SCLT1: variants seen among roughly 807,000 people sequenced by gnomAD.
The protein encoded by SCLT1 is sodium channel and clathrin linker 1.
A neutral mutation model predicts 112.8 loss-of-function variants in SCLT1; 78 were observed. The ratio of observed to expected loss-of-function variants is 0.69; its 90% CI spans 0.58 to 0.83. The LOEUF is 0.83. Among genes scored for constraint, SCLT1 ranks in the 40% least tolerant of loss-of-function variants. SCLT1 has a pLI of 0.00. For missense variants in SCLT1, 747 were observed against 770.4 expected (o/e 0.97, Z 0.36); for synonymous variants, 257 against 254.7 (o/e 1.01, Z -0.09).
intron 18 of SCLT1, among the ~76,000 whole-genome samples, chr4:128,928,038 G>A (rs1259414393): frequency 6.6e-6 from 1 of 151,874 alleles, no homozygotes; most frequent in African/African-American, 2.4e-5. Flanking sequence ...CCAAAACTAT[G>A]TCAATGAAGA....
intron 2 of SCLT1, among the ~76,000 whole-genome samples, chr4:129,046,787 A>T (rs541398494): frequency 2.6e-5 from 4 of 152,256 alleles, no homozygotes; most frequent in South Asian, 4.1e-4. Flanking sequence ...ACTCTCCCAC[A>T]GGCAGTATAT....
At chr4:128,880,339 A>G (rs1227272832), downstream of SCLT1, among the ~76,000 whole-genome samples, 2 of 152,134 alleles carry the variant, frequency 1.3e-5, no homozygotes, top group African/African-American at 2.4e-5. Flanking sequence ...TTCGAATGAA[A>G]ATATGGGTAG....
chr4:128,933,640 T>G (rs1298388427), intron 18 of SCLT1, among the ~76,000 whole-genome samples: 1 of 152,144 alleles, frequency 6.6e-6, no homozygotes. Context: ...TGAATACTGG[T>G]CTTGTTTTTA....
chr4:128,970,720 T>C (rs1740620597), intron 9 of SCLT1: 2 of 349,664 alleles, frequency 5.7e-6, no homozygotes, highest in South Asian at 8.9e-5. Flanking sequence ...GTAAATTATA[T>C]TATATACCAA....
In SCLT1 at chr4:129,082,393, A is replaced by ATT. The variant is rs1752020128; in HGVS notation, c.35-21_35-20insAA. 4.0e-6 allele frequency: 6 copies of ATT among 1,511,006 alleles called. No individual in the cohort carries two copies. In the South Asian group the frequency reaches 7.2e-5, roughly 18 times the overall value. The allele number at this position is 1,511,006 out of a possible 1,614,324, so 93.6% of individuals were successfully genotyped here. On this transcript the variant is annotated intron_variant, in intron 1 of 20. Coordinates refer to ENST00000281142, the MANE Select transcript of SCLT1 (RefSeq NM_144643.4). Reference sequence around the variant, plus strand: ...TTCGATCTGAAACAAGCGGGAAAACAGATTTCAGTTCATTGAGTAATGGTC... The same window carrying ATT: ...TTCGATCTGAAACAAGCGGGAAAACATTGATTTCAGTTCATTGAGTAATGGTC...
chr4:129,020,977 G>C (rs1745418748), intron 5 of SCLT1, among the ~76,000 whole-genome samples: 1 of 152,144 alleles, frequency 6.6e-6, no homozygotes, highest in Non-Finnish European at 1.5e-5. Context: ...TAGCCAAACA[G>C]GAACAGCTCC....
chr4:128,884,393 C>T lies in SCLT1; in HGVS notation c.*84G>A, dbSNP rs2125918163. On this transcript the variant is annotated 3_prime_UTR_variant, in exon 21 of 21. Transcript: ENST00000281142. ...AATAACACAAGCCTTAACTATTATA[C>T]TTTGCAGGCTTTACCATTTCAATAC... 3.7e-6 allele frequency: 3 copies of T among 804,736 alleles called. No individual in the cohort carries two copies. Among genetic ancestry groups the T allele is most frequent in the Non-Finnish European group, 6.4e-6 (3 of 468,466 alleles). 49.8% of individuals were successfully genotyped at this position (804,736 alleles called of 1,614,324 possible). A position where few individuals can be genotyped will look rare whatever the true frequency, so the allele number is the denominator to read the frequency against.
chr4:128,879,089 G>A (rs1732585843), downstream of SCLT1, among the ~76,000 whole-genome samples: 1 of 151,292 alleles, frequency 6.6e-6, no homozygotes, highest in Admixed American at 6.6e-5. Flanking sequence ...TGACAAACCT[G>A]CACATTGTGC....
chr4:128,874,527 A>G (rs1316462843), intron 4 of SCLT1: 1 of 152,560 alleles, frequency 6.6e-6, no homozygotes, highest in Non-Finnish European at 1.5e-5. Flanking sequence ...CCCACACAAA[A>G]ACAAAACACA....
In SCLT1 at chr4:129,026,014, T is replaced by C. The variant is rs190591719; in HGVS notation, c.290+13027A>G. ...AGAAGAGCTAACTATCCTAAATATA[T>C]ATGCACCGAATACAGGAGCACCCAC... is the stretch of plus-strand genomic sequence containing the variant. On this transcript the variant is annotated intron_variant, in intron 5 of 20. Coordinates refer to ENST00000281142, the MANE Select transcript of SCLT1 (RefSeq NM_144643.4). 7.6e-4 allele frequency among the ~76,000 whole-genome samples: 115 copies of C among 152,248 alleles called. 2 individuals carry two copies. Among genetic ancestry groups the C allele is most frequent in the Non-Finnish European group, 1.5e-4 (10 of 68,016 alleles).
At chr4:128,916,896 G>A (rs929863507) in intron 18 of SCLT1, among the ~76,000 whole-genome samples, 2 of 152,106 alleles carry the variant, frequency 1.3e-5, no homozygotes, top group Non-Finnish European at 2.9e-5. Context: ...GTCAGTTCCT[G>A]TTTTGAGAAG....
chr4:129,044,959 A>G (rs1460534622), intron 2 of SCLT1, among the ~76,000 whole-genome samples: 2 of 151,994 alleles, frequency 1.3e-5, no homozygotes, highest in Non-Finnish European at 2.9e-5. Flanking sequence ...AGTATAACAA[A>G]CCCAGAAATA....
chr4:128,934,026 T>C (rs1400788376), intron 18 of SCLT1, among the ~76,000 whole-genome samples: 1 of 152,042 alleles, frequency 6.6e-6, no homozygotes, highest in African/African-American at 2.4e-5. Flanking sequence ...ATAATTAAGT[T>C]AATTTGTTTA....
intron 10 of SCLT1, among the ~76,000 whole-genome samples, chr4:128,970,030 T>C (rs1740552850): frequency 1.3e-5 from 2 of 152,210 alleles, no homozygotes; most frequent in Admixed American, 1.3e-4. Context: ...ATTGTGTCAA[T>C]AAATACTTTA....
chr4:128,952,953 C>T, intron 13 of SCLT1, 113 bp from the exon 14 acceptor site: 1 of 651,506 alleles, frequency 1.5e-6, no homozygotes, highest in South Asian at 1.8e-5. Flanking sequence ...ACTTTTAGGG[C>T]ATAAAAGACA....
Position 128,936,760 on chromosome 4 carries a change from A to G in SCLT1, c.1724T>C (p.Val575Ala), listed in dbSNP as rs201371726. The G allele has an allele frequency of 6.8e-6, 11 of 1,611,170 alleles. No individual in the cohort carries two copies. The highest frequency in any genetic ancestry group is 2.2e-5 in the South Asian group (2 of 90,944). Reference protein sequence around the residue: ...EMEDSNRNSIVELRHLLATQQ... With the variant: ...EMEDSNRNSIAELRHLLATQQ... ...AGTCGCTAGGAGATGCCTCAGTTCA[A>G]CAATGGAATTTCTATTACTGTCTTC... Residue 575 changes from valine to alanine, a missense_variant, in exon 18 of 21, where the codon GTT becomes GCT. Physicochemically the swap from Val to Ala is moderately conservative, Grantham distance 64. Transcript: ENST00000281142.
chr4:129,040,055 A>C (rs1379833806), intron 4 of SCLT1: 4 of 633,202 alleles, frequency 6.3e-6, no homozygotes, highest in Middle Eastern at 5.1e-4. Flanking sequence ...CCTGGAGTAC[A>C]CTTTCGCAAG....
intron 2 of SCLT1, among the ~76,000 whole-genome samples, chr4:129,077,187 A>G (rs547242814): frequency 1.4e-4 from 21 of 152,284 alleles, no homozygotes; most frequent in Non-Finnish European, 2.6e-4. Flanking sequence ...TCATTATGTA[A>G]TAACTGCACT....
chr4:128,963,078 A>G (rs1487234152), intron 11 of SCLT1, among the ~76,000 whole-genome samples: 1 of 152,160 alleles, frequency 6.6e-6, no homozygotes, highest in East Asian at 1.9e-4. Context: ...TGAAATCTCA[A>G]ATATCAATTC....
Sources: allele counts gnomAD v4.1 joint callset (sites outside exome capture counted in the v4.1 genomes callset), GRCh38; gene constraint gnomAD v4.1.1; transcripts MANE v1.5; gene names NCBI Gene and HGNC (gene_info 2026-07-23, HGNC 2026-07-21).